MYOF: variants seen among roughly 807,000 people sequenced by gnomAD.
MYOF encodes the protein myoferlin.
Under a neutral mutation model 284.2 loss-of-function variants are expected in MYOF, and 244 were observed. The ratio of observed to expected loss-of-function variants is 0.86; its 90% CI spans 0.77 to 0.95. The LOEUF (loss-of-function observed/expected upper bound fraction) is 0.95. Ranked by LOEUF, MYOF falls within the 40% of genes least tolerant of loss-of-function variation. The pLI, the probability that MYOF is intolerant of heterozygous loss-of-function variation, is 0.00. For missense variants in MYOF, 2,496 were observed against 2,560.6 expected, an observed-to-expected ratio of 0.97 and a Z score of 0.54; for synonymous variants, 904 against 919.7, an observed-to-expected ratio of 0.98 and a Z score of 0.31.
chr10:93,421,947 TAAA>T (rs1564704900), intron 5 of MYOF, among the ~76,000 whole-genome samples: 1 of 151,986 alleles, frequency 6.6e-6, no homozygotes, highest in Non-Finnish European at 1.5e-5. Context: ...TTTTTTTTTT[TAAA>T]TGCTGAAGGA....
intron 43 of MYOF, among the ~76,000 whole-genome samples, chr10:93,331,464 C>T (rs916194339): frequency 6.6e-6 from 1 of 152,158 alleles, no homozygotes; most frequent in East Asian, 1.9e-4. Context: ...TAAGCTTGTG[C>T]CTGGCTCCTC....
intron 38 of MYOF, among the ~76,000 whole-genome samples, chr10:93,342,723 CGAT>C (rs1843980238): frequency 6.6e-6 from 1 of 152,112 alleles, no homozygotes; most frequent in African/African-American, 2.4e-5. Context: ...AATTGACTGA[CGAT>C]GAGAGATGGC....
At chr10:93,398,776 G>T (rs148633386) in intron 13 of MYOF, among the ~76,000 whole-genome samples, 73 of 152,300 alleles carry the variant, frequency 4.8e-4, no homozygotes, top group African/African-American at 1.7e-3. Flanking sequence ...ACACATAAAA[G>T]ATGCTAGTTC....
intron 5 of MYOF, among the ~76,000 whole-genome samples, chr10:93,419,139 T>C (rs1848252364): frequency 6.6e-6 from 1 of 152,144 alleles, no homozygotes. Flanking sequence ...TCACTAGTGT[T>C]CCCCAAAATG....
rs772413387 is a variant in MYOF, at chr10:93,351,732, C to T, written c.3596G>A (p.Gly1199Glu). 18 of 1,599,408 alleles carry T rather than the reference C, an allele frequency of 1.1e-5. No individual in the cohort carries two copies. Among genetic ancestry groups the T allele is most frequent in the Non-Finnish European group, 1.5e-5 (18 of 1,176,326 alleles). ...TIIFDEVEIYGEPQTVLQNPP... is the reference protein window; with the variant it reads ...TIIFDEVEIYEEPQTVLQNPP... The stretch of plus-strand genomic sequence containing the variant: ...ATTCTGTAGAACTGTTTGGGGTTCC[C>T]CATAGATTTCAACTTCATCGAATAT... The change falls in exon 33 of 54, where the codon GGG (glycine) becomes GAG (glutamate). Residue 1199 changes from glycine to glutamate, a missense_variant. Physicochemically the swap from Gly to Glu is moderately conservative, Grantham distance 98. Around this residue, in one of 3 missense-constraint regions of MYOF, gnomAD observed 2,436 missense variants for 2,480.7 expected, o/e 0.98. Coordinates refer to ENST00000359263, the MANE Select transcript of MYOF (RefSeq NM_013451.4).
intron 20 of MYOF, 144 bp from the exon 21 acceptor site, chr10:93,380,131 A>G: frequency 9.5e-7 from 1 of 1,057,738 alleles, no homozygotes; most frequent in Non-Finnish European, 1.3e-6. Flanking sequence ...AATTTGACTC[A>G]ATTAAGCAAC....
chr10:93,427,181 C>T (rs788094), intron 4 of MYOF, among the ~76,000 whole-genome samples: 57,892 of 148,610 alleles, frequency 0.39, 13,779 homozygotes, highest in Non-Finnish European at 0.52. Context: ...CCACCGTGCC[C>T]GGGGAGACTC....
chr10:93,445,259 G>A (rs116431746), intron 3 of MYOF, among the ~76,000 whole-genome samples: 653 of 152,302 alleles, frequency 4.3e-3, no homozygotes, highest in African/African-American at 0.015. Flanking sequence ...CACACCTGCT[G>A]TGTGACCTTG....
chr10:93,438,347 G>A (rs2134246685), intron 3 of MYOF, among the ~76,000 whole-genome samples: 1 of 152,228 alleles, frequency 6.6e-6, no homozygotes, highest in African/African-American at 2.4e-5. Context: ...ACTGTACCAG[G>A]TGTCACTGAA....
chr10:93,476,159 A>G (rs2057256067), intron 1 of MYOF, among the ~76,000 whole-genome samples: 1 of 151,650 alleles, frequency 6.6e-6, no homozygotes, highest in Non-Finnish European at 1.5e-5. Context: ...GGGTGAACCA[A>G]GGCTCTCTGT....
At chr10:93,397,074 TGCAGTAACAC>T in intron 15 of MYOF, 163 bp downstream of exon 15, 1 of 523,698 alleles carries the variant, frequency 1.9e-6, no homozygotes, top group Non-Finnish European at 3.3e-6. Flanking sequence ...AAGCTTTTTT[TGCAGTAACAC>T]TATTATTAAA....
At chr10:93,423,845 AC>A (rs370443947) in intron 5 of MYOF, among the ~76,000 whole-genome samples, 58 of 151,860 alleles carry the variant, frequency 3.8e-4, no homozygotes, top group African/African-American at 1.3e-3. Flanking sequence ...AAAAAAAAAA[AC>A]AAACCAAAAA....
intron 1 of MYOF, among the ~76,000 whole-genome samples, chr10:93,460,283 T>C (rs536001321): frequency 6.6e-6 from 1 of 152,298 alleles, no homozygotes; most frequent in Admixed American, 6.5e-5. Flanking sequence ...CAAGCTACCT[T>C]GAGGCCAAGC....
chr10:93,443,972 T>A (rs995510174), intron 3 of MYOF, among the ~76,000 whole-genome samples: 2 of 152,224 alleles, frequency 1.3e-5, no homozygotes, highest in African/African-American at 4.8e-5. Context: ...TACCATGCTC[T>A]CCTGCCTTCC....
chr10:93,308,584 CAA>C (rs35344958), intron 53 of MYOF, among the ~76,000 whole-genome samples: 12 of 94,570 alleles, frequency 1.3e-4, no homozygotes, highest in Admixed American at 2.4e-4. Context: ...GACTCTGTCT[CAA>C]AAAAAAAAAA....
In MYOF at chr10:93,343,889, T is replaced by C; in HGVS notation, c.4293A>G (p.Glu1431=). 6.2e-7 allele frequency: 1 copy of C among 1,614,180 alleles called. No individual in the cohort carries two copies. Among genetic ancestry groups the C allele is most frequent in the Non-Finnish European group, 8.5e-7 (1 of 1,180,018 alleles). ...SAPPCRDIVI[E]MEDTKPLLAS... ...CCAGTAATGGTTTGGTGTCTTCCAT[T>C]TCGATAACGATGTCCCGGCATGGTG... Residue 1431 remains glutamate (E), a synonymous_variant, in exon 38 of 54, where the codon GAA becomes GAG. Coordinates refer to ENST00000359263, the MANE Select transcript of MYOF (RefSeq NM_013451.4).
chr10:93,366,587 C>A (rs367616883), intron 25 of MYOF, 32 bp from the exon 26 acceptor site: 3 of 1,553,882 alleles, frequency 1.9e-6, no homozygotes, highest in Non-Finnish European at 1.7e-6. Context: ...TGGAGAAACA[C>A]CATCAGAGAG....
At chr10:93,366,702 C>T (rs768497274) in intron 25 of MYOF, 147 bp from the exon 26 acceptor site, 30 of 642,886 alleles carry the variant, frequency 4.7e-5, no homozygotes, top group Non-Finnish European at 7.6e-5. Flanking sequence ...ATGGACCTAA[C>T]TTGAGCTATT....
intron 51 of MYOF, among the ~76,000 whole-genome samples, chr10:93,312,322 T>G (rs1393703873): frequency 6.9e-6 from 1 of 145,302 alleles, no homozygotes; most frequent in African/African-American, 2.5e-5. Flanking sequence ...CCAGCACACC[T>G]TGCTTCTTCC....
Sources: allele counts gnomAD v4.1 joint callset (sites outside exome capture counted in the v4.1 genomes callset), GRCh38; gene constraint gnomAD v4.1.1; regional missense constraint gnomAD v4.1.1; transcripts MANE v1.5; gene names NCBI Gene and HGNC (gene_info 2026-07-23, HGNC 2026-07-21).